SCP2: variants seen among roughly 807,000 people sequenced by gnomAD.
SCP2 encodes the protein sterol carrier protein 2.
Under a neutral mutation model 71.4 loss-of-function variants are expected in SCP2, and 48 were observed. The observed-to-expected ratio is 0.67, with a 90% CI of 0.53 to 0.86. The LOEUF is 0.86. Among genes scored for constraint, SCP2 ranks in the 40% least tolerant of loss-of-function variants. The pLI, the probability that SCP2 is intolerant of heterozygous loss-of-function variation, is 0.00. For synonymous variants in SCP2, 220 were observed against 218.1 expected, an observed-to-expected ratio of 1.01 and a Z score of -0.08; for missense variants, 560 against 655.6, an observed-to-expected ratio of 0.85 and a Z score of 1.59.
At chr1:52,950,516 G>T (rs1414267904) in intron 3 of SCP2, among the ~76,000 whole-genome samples, 1 of 152,100 alleles carries the variant, frequency 6.6e-6, no homozygotes, top group Non-Finnish European at 1.5e-5. Flanking sequence ...TCTATTAACT[G>T]ATCATTTCTT....
intron 12 of SCP2, among the ~76,000 whole-genome samples, chr1:53,023,744 C>T (rs900855120): frequency 4.6e-5 from 7 of 152,068 alleles, no homozygotes; most frequent in African/African-American, 1.2e-4. Flanking sequence ...TTCTGTGCAA[C>T]GAGGACTGCA....
At chr1:52,975,604 G>A (rs1161534250) in intron 7 of SCP2, among the ~76,000 whole-genome samples, 1 of 152,226 alleles carries the variant, frequency 6.6e-6, no homozygotes, top group Non-Finnish European at 1.5e-5. Context: ...ACCATGCCTG[G>A]CTAATTGTAC....
At chr1:52,932,522 T>G (rs1375043191) in intron 1 of SCP2, among the ~76,000 whole-genome samples, 1 of 152,186 alleles carries the variant, frequency 6.6e-6, no homozygotes, top group Non-Finnish European at 1.5e-5. Context: ...AAGAAGATAC[T>G]GGATCCTGGA....
chr1:52,941,138 T>A (rs545326241), intron 1 of SCP2, among the ~76,000 whole-genome samples: 1 of 152,266 alleles, frequency 6.6e-6, no homozygotes, highest in African/African-American at 2.4e-5. Context: ...TGTATTCTCT[T>A]ACTTCTAGAT....
intron 13 of SCP2, among the ~76,000 whole-genome samples, chr1:53,035,627 T>C (rs560270818): frequency 1.3e-5 from 2 of 152,216 alleles, no homozygotes; most frequent in Admixed American, 6.5e-5. Flanking sequence ...CAAGAATATT[T>C]GGAAGAGAAG....
intron 11 of SCP2, among the ~76,000 whole-genome samples, chr1:53,006,248 G>A (rs566348628): frequency 1.5e-4 from 23 of 152,230 alleles, no homozygotes; most frequent in Admixed American, 1.0e-3. Flanking sequence ...AGCAAGGCAG[G>A]CCAACATTCA....
chr1:52,980,419 A>G lies in SCP2; in HGVS notation c.849A>G (p.Glu283=), dbSNP rs1018864506. 1.9e-6 allele frequency: 3 copies of G among 1,614,084 alleles called. No homozygotes were observed. The highest frequency in any genetic ancestry group is 2.5e-6 in the Non-Finnish European group (3 of 1,180,026). The part of the protein sequence containing the change: ...IKMVGFDMSK[E]AARKCYEKSG... ...AGGTTGGCTTTGATATGAGTAAAGA[A>G]GCTGCAAGAAAATGCTATGAGAAAT... is the stretch of plus-strand genomic sequence containing the variant. Residue 283 remains glutamate (E), a synonymous_variant, in exon 10 of 16, where the codon GAA becomes GAG. Coordinates refer to ENST00000371514, the MANE Select transcript of SCP2 (RefSeq NM_002979.5).
intron 11 of SCP2, among the ~76,000 whole-genome samples, chr1:53,010,147 T>C (rs2150222174): frequency 6.6e-6 from 1 of 152,310 alleles, no homozygotes; most frequent in South Asian, 2.1e-4. Flanking sequence ...GGAGAGGATG[T>C]GGAGAACTAG....
chr1:52,930,322 A>AC (rs1653029100), intron 1 of SCP2, among the ~76,000 whole-genome samples: 1 of 151,626 alleles, frequency 6.6e-6, no homozygotes, highest in African/African-American at 2.4e-5. Context: ...TATATCTTAA[A>AC]AAAAAAAAAA....
At chr1:52,974,230 G>A (rs943268953) in intron 6 of SCP2, among the ~76,000 whole-genome samples, 2 of 151,998 alleles carry the variant, frequency 1.3e-5, no homozygotes, top group South Asian at 2.1e-4. Flanking sequence ...CCTCATTACT[G>A]TACTTTTTTT....
intron 11 of SCP2, among the ~76,000 whole-genome samples, chr1:53,002,361 A>G (rs1462721199): frequency 6.6e-6 from 1 of 152,238 alleles, no homozygotes; most frequent in Non-Finnish European, 1.5e-5. Flanking sequence ...AGAACGTGGC[A>G]TGGAGCAAAG....
intron 13 of SCP2, among the ~76,000 whole-genome samples, chr1:53,035,889 G>A (rs892266256): frequency 2.8e-4 from 43 of 151,762 alleles, no homozygotes; most frequent in African/African-American, 9.9e-4. Flanking sequence ...GCGTGGTAGC[G>A]GGCGCCTGTA....
At chr1:52,927,640 C>G (rs1251487687) in intron 1 of SCP2, among the ~76,000 whole-genome samples, 175 bp downstream of exon 1, 1 of 152,192 alleles carries the variant, frequency 6.6e-6, no homozygotes, top group African/African-American at 2.4e-5. Context: ...CGGGCTGGTT[C>G]CTGCGGCCTT....
chr1:52,995,884 C>A, intron 11 of SCP2: 1 of 1,466,972 alleles, frequency 6.8e-7, no homozygotes, highest in Non-Finnish European at 9.2e-7. Flanking sequence ...TCCACTGGTA[C>A]ACAGCTGAGG....
At chr1:53,011,064 A>T (rs945310021) in intron 11 of SCP2, among the ~76,000 whole-genome samples, 7 of 152,218 alleles carry the variant, frequency 4.6e-5, no homozygotes, top group African/African-American at 1.7e-4. Flanking sequence ...CTGCTCTATT[A>T]TAAATATACA....
At chr1:52,994,665 C>A in intron 11 of SCP2, 1 of 541,408 alleles carries the variant, frequency 1.8e-6, no homozygotes, top group Non-Finnish European at 3.4e-6. Flanking sequence ...AAAAAAGTTA[C>A]ATATTTTCTT....
At chr1:53,044,251 T>C (rs1305360259) in intron 14 of SCP2, among the ~76,000 whole-genome samples, 3 of 152,112 alleles carry the variant, frequency 2.0e-5, no homozygotes, top group Non-Finnish European at 4.4e-5. Context: ...AGAGATGGGG[T>C]TTCACCATGT....
chr1:53,004,470 A>AAGTGAAAAT (rs1660502788), intron 11 of SCP2, among the ~76,000 whole-genome samples: 2 of 152,196 alleles, frequency 1.3e-5, no homozygotes, highest in South Asian at 4.1e-4. Context: ...TCCACAAAAG[A>AAGTGAAAAT]AGTGAAAATA....
chr1:53,044,227 T>C (rs993840940), intron 14 of SCP2, among the ~76,000 whole-genome samples: 6 of 152,068 alleles, frequency 3.9e-5, no homozygotes, highest in Admixed American at 6.5e-5. Flanking sequence ...TCGGCTAATT[T>C]TTGTATTTTT....
Sources: allele counts gnomAD v4.1 joint callset (sites outside exome capture counted in the v4.1 genomes callset), GRCh38; gene constraint gnomAD v4.1.1; transcripts MANE v1.5; gene names NCBI Gene and HGNC (gene_info 2026-07-23, HGNC 2026-07-21).